Variants in NCALD observed in about 807,000 individuals in gnomAD.
NCALD encodes the protein neurocalcin delta, also known as neurocalcin-delta.
In NCALD, 10 loss-of-function variants were observed where a neutral mutation model predicts 18.6. The observed-to-expected ratio is 0.54, with a 90% CI of 0.33 to 0.91. The LOEUF is 0.91. Among genes scored for constraint, NCALD ranks in the 40% least tolerant of loss-of-function variants. The probability of loss-of-function intolerance (pLI) is 0.03; values close to 1 mark genes in which losing one functional copy is unlikely to be tolerated. For synonymous variants in NCALD, 88 were observed against 87.4 expected (o/e 1.01, Z -0.04); for missense variants, 184 against 247.6 (o/e 0.74, Z 1.72).
intron 1 of NCALD, among the ~76,000 whole-genome samples, chr8:102,114,203 C>G (rs906617071): frequency 6.6e-6 from 1 of 152,232 alleles, no homozygotes; most frequent in Non-Finnish European, 1.5e-5. Context: ...CTCAAACATA[C>G]GTTCTCCACC....
intron 2 of NCALD, among the ~76,000 whole-genome samples, chr8:101,718,717 C>G (rs1483839175): frequency 1.3e-5 from 2 of 152,200 alleles, no homozygotes; most frequent in African/African-American, 4.8e-5. Flanking sequence ...CAAGGGCATT[C>G]TAAAGTTAAT....
chr8:102,081,110 G>C (rs116342431), intron 1 of NCALD, among the ~76,000 whole-genome samples: 1 of 152,070 alleles, frequency 6.6e-6, no homozygotes, highest in Non-Finnish European at 1.5e-5. Flanking sequence ...CCCCAAGTTC[G>C]AGAACTACTC....
At chr8:101,969,645 C>T (rs1009086160) in intron 2 of NCALD, among the ~76,000 whole-genome samples, 1 of 152,132 alleles carries the variant, frequency 6.6e-6, no homozygotes, top group South Asian at 2.1e-4. Context: ...AAAAGACACA[C>T]CTCAGAAGGG....
chr8:101,942,231 A>G (rs187668840), intron 2 of NCALD, among the ~76,000 whole-genome samples: 5 of 152,330 alleles, frequency 3.3e-5, no homozygotes, highest in Admixed American at 3.3e-4. Flanking sequence ...GGAGAGGCAG[A>G]TGCACTGGAA....
intron 2 of NCALD, among the ~76,000 whole-genome samples, chr8:101,977,007 C>T (rs149633617): frequency 1.0e-3 from 155 of 152,160 alleles, no homozygotes; most frequent in African/African-American, 3.5e-3. Context: ...AGCAGGCTTA[C>T]GTGGAGATAC....
At chr8:102,010,874 C>A (rs1821880870) in intron 2 of NCALD, among the ~76,000 whole-genome samples, 1 of 152,214 alleles carries the variant, frequency 6.6e-6, no homozygotes, top group South Asian at 2.1e-4. Flanking sequence ...GGTCACCATA[C>A]ACACTAACCA....
chr8:102,025,886 A>G (rs1298228632), intron 1 of NCALD, among the ~76,000 whole-genome samples: 3 of 152,178 alleles, frequency 2.0e-5, no homozygotes, highest in Admixed American at 1.3e-4. Flanking sequence ...AAAGAGGTTT[A>G]ATTGACTCAC....
At chr8:102,107,310 AAAGG>A (rs1825498431) in intron 1 of NCALD, among the ~76,000 whole-genome samples, 1 of 149,826 alleles carries the variant, frequency 6.7e-6, no homozygotes. Context: ...AGAGTCCTAA[AAAGG>A]AACAAATTTG....
chr8:102,093,583 C>T (rs1824996209), intron 1 of NCALD, among the ~76,000 whole-genome samples: 1 of 152,182 alleles, frequency 6.6e-6, no homozygotes, highest in Non-Finnish European at 1.5e-5. Context: ...GGCCCTTTGC[C>T]TCTTTCTTCT....
At chr8:102,040,394 A>C (rs1347826715) in intron 1 of NCALD, among the ~76,000 whole-genome samples, 1 of 152,012 alleles carries the variant, frequency 6.6e-6, no homozygotes, top group Non-Finnish European at 1.5e-5. Context: ...GAATCACTTG[A>C]AACCGGGAAG....
intron 4 of NCALD, among the ~76,000 whole-genome samples, chr8:101,849,203 G>A (rs928163443): frequency 6.6e-6 from 1 of 152,120 alleles, no homozygotes; most frequent in Non-Finnish European, 1.5e-5. Flanking sequence ...ACTGGGGCCT[G>A]TGAGGGATGG....
At chr8:101,862,226 A>G (rs187935894) in intron 4 of NCALD, among the ~76,000 whole-genome samples, 17 of 152,376 alleles carry the variant, frequency 1.1e-4, no homozygotes, top group Non-Finnish European at 1.5e-5. Flanking sequence ...AATGAATAAA[A>G]TTATAAAAAT....
intron 2 of NCALD, among the ~76,000 whole-genome samples, chr8:101,937,891 G>A (rs1818820872): frequency 6.6e-6 from 1 of 152,182 alleles, no homozygotes; most frequent in African/African-American, 2.4e-5. Flanking sequence ...ACAGAATGTT[G>A]TCCTGGAGAA....
intron 4 of NCALD, among the ~76,000 whole-genome samples, chr8:101,842,013 T>G (rs1164920815): frequency 2.0e-5 from 3 of 152,210 alleles, no homozygotes; most frequent in African/African-American, 7.2e-5. Context: ...AGAAATTTAT[T>G]TTCTCACAGT....
chr8:101,967,316 G>A (rs979225577), intron 2 of NCALD, among the ~76,000 whole-genome samples: 1 of 152,074 alleles, frequency 6.6e-6, no homozygotes, highest in Non-Finnish European at 1.5e-5. Flanking sequence ...ATAATTCAAA[G>A]GAATGTTTTA....
At chr8:101,934,709 G>A (rs762941307) in intron 2 of NCALD, among the ~76,000 whole-genome samples, 3 of 152,100 alleles carry the variant, frequency 2.0e-5, no homozygotes, top group Non-Finnish European at 2.9e-5. Flanking sequence ...AACCTAGAAC[G>A]AAATGGAAGT....
intron 4 of NCALD, among the ~76,000 whole-genome samples, chr8:101,867,381 C>T (rs1563840311): frequency 2.0e-5 from 3 of 152,198 alleles, no homozygotes; most frequent in East Asian, 3.8e-4. Flanking sequence ...CCGCTTTCCC[C>T]CCAGGACCTA....
intron 2 of NCALD, among the ~76,000 whole-genome samples, chr8:101,985,246 G>A (rs1820764507): frequency 6.6e-6 from 1 of 152,104 alleles, no homozygotes; most frequent in South Asian, 2.1e-4. Flanking sequence ...CAAGCTCCCA[G>A]CTGCCAGTCA....
chr8:101,873,825 A>G (rs1309936943), intron 4 of NCALD, among the ~76,000 whole-genome samples: 2 of 152,232 alleles, frequency 1.3e-5, no homozygotes, highest in African/African-American at 2.4e-5. Flanking sequence ...ATTTCACACC[A>G]GGGACCAAAA....
Sources: allele counts gnomAD v4.1 joint callset (sites outside exome capture counted in the v4.1 genomes callset), GRCh38; gene constraint gnomAD v4.1.1; transcripts MANE v1.5; gene names NCBI Gene and HGNC (gene_info 2026-07-23, HGNC 2026-07-21).